AQP9: variants seen among roughly 807,000 people sequenced by gnomAD.
AQP9 encodes the protein aquaporin-9.
Under a neutral mutation model 23.8 loss-of-function variants are expected in AQP9, and 19 were observed. The ratio of observed to expected loss-of-function variants is 0.80; its 90% CI spans 0.56 to 1.17. The LOEUF (loss-of-function observed/expected upper bound fraction) is 1.17, where lower values mean the gene tolerates loss of function less well. Ranked by LOEUF, AQP9 falls within the 50% of genes most tolerant of loss-of-function variation. The pLI is 0.00. For missense variants in AQP9, 413 were observed against 362.0 expected, an observed-to-expected ratio of 1.14 and a Z score of -1.14; for synonymous variants, 153 against 131.5, an observed-to-expected ratio of 1.16 and a Z score of -1.12.
intron 1 of AQP9, among the ~76,000 whole-genome samples, chr15:58,158,583 T>C (rs1180994085): frequency 3.3e-5 from 5 of 152,312 alleles, no homozygotes; most frequent in East Asian, 1.9e-4. Flanking sequence ...TTATTCACAC[T>C]ACCCTAAACA....
chr15:58,175,317 C>G (rs1437233444), intron 4 of AQP9, among the ~76,000 whole-genome samples: 1 of 152,214 alleles, frequency 6.6e-6, no homozygotes, highest in Non-Finnish European at 1.5e-5. Context: ...CCTGTAGACA[C>G]AAATGGACTT....
chr15:58,170,699 T>C (rs1320912141), intron 2 of AQP9, among the ~76,000 whole-genome samples: 1 of 151,934 alleles, frequency 6.6e-6, no homozygotes, highest in African/African-American at 2.4e-5. Flanking sequence ...CACCATGCCC[T>C]GCCTATTTCT....
chr15:58,140,322 A>G (rs1020790113), intron 1 of AQP9, among the ~76,000 whole-genome samples: 14 of 152,114 alleles, frequency 9.2e-5, no homozygotes, highest in African/African-American at 2.9e-4. Flanking sequence ...TCACTGTTCA[A>G]CTGGCCTTGT....
At chr15:58,160,599 T>C (rs1898356485) in intron 1 of AQP9, among the ~76,000 whole-genome samples, 1 of 151,948 alleles carries the variant, frequency 6.6e-6, no homozygotes, top group South Asian at 2.1e-4. Flanking sequence ...CATGTATACA[T>C]GTTAAATAAA....
chr15:58,147,561 C>A (rs1898069974), intron 1 of AQP9, among the ~76,000 whole-genome samples: 1 of 152,140 alleles, frequency 6.6e-6, no homozygotes, highest in South Asian at 2.1e-4. Context: ...CCCTTTTCTC[C>A]ATCTCAGTAG....
chr15:58,145,661 T>C (rs1329606946), intron 1 of AQP9, among the ~76,000 whole-genome samples: 3 of 152,206 alleles, frequency 2.0e-5, no homozygotes, highest in Admixed American at 6.5e-5. Flanking sequence ...TTGTTGTTAC[T>C]GGTGTTTTAA....
intron 1 of AQP9, among the ~76,000 whole-genome samples, chr15:58,149,705 AAC>A (rs1898112901): frequency 6.6e-6 from 1 of 152,202 alleles, no homozygotes; most frequent in Non-Finnish European, 1.5e-5. Flanking sequence ...GGACTTCTCT[AAC>A]ACACACCTAT....
intron 1 of AQP9, chr15:58,151,666 A>G (rs919138828): frequency 6.6e-6 from 1 of 152,094 alleles, no homozygotes; most frequent in African/African-American, 2.4e-5. Flanking sequence ...TAAACATAAT[A>G]ATAATAATAA....
At position 58,161,976 on chromosome 15, in the gene AQP9, A is replaced by AG. The variant is rs1898393842; in HGVS notation, c.112-4696dup. 4.6e-5 allele frequency among the ~76,000 whole-genome samples: 7 copies of AG among 152,316 alleles called. No individual in the cohort carries two copies. The South Asian group carries it at 1.5e-3, about 32-fold the overall frequency. On this transcript the variant is annotated intron_variant, in intron 1 of 5. Coordinates refer to ENST00000219919, the MANE Select transcript of AQP9 (RefSeq NM_020980.5). Reference sequence around the variant, plus strand: ...TCCAATATACTAGAAGCTGTTACAGAGAAAAAAAAAGTTCAACATATTATC... The same window carrying AG: ...TCCAATATACTAGAAGCTGTTACAGAGGAAAAAAAAAGTTCAACATATTATC...
rs140188159 is a variant in AQP9 at position 58,174,997 on chromosome 15, A to T, written c.456A>T (p.Pro152=). 9.5e-4 allele frequency: 1,540 copies of T among 1,614,218 alleles called. 22 individuals are homozygous for T. In the Admixed American group the frequency reaches 0.024, roughly 25 times the overall value. ...NATAHIFATY[P]APYLSLANAF... The stretch of plus-strand genomic sequence containing the variant: ...CAGCACACATTTTTGCAACATACCC[A>T]GCTCCGTATCTATCTCTGGCGAACG... Residue 152 remains proline (P), a synonymous_variant, in exon 4 of 6, where the codon CCA becomes CCT. Transcript: ENST00000219919.
intron 1 of AQP9, among the ~76,000 whole-genome samples, chr15:58,159,992 A>G (rs1898340307): frequency 6.6e-6 from 1 of 152,202 alleles, no homozygotes; most frequent in Non-Finnish European, 1.5e-5. Context: ...GCTCTTCAAC[A>G]TATTGATTTT....
At chr15:58,148,799 C>CT (rs1308898985) in intron 1 of AQP9, among the ~76,000 whole-genome samples, 2 of 152,132 alleles carry the variant, frequency 1.3e-5, no homozygotes, top group Non-Finnish European at 2.9e-5. Context: ...ATCACCTCTC[C>CT]TTTCTGAGCT....
chr15:58,138,615 T>G lies in AQP9; in HGVS notation c.50T>G (p.Val17Gly). ...EKGKSFKQRL[V>G]LKSSLAKETL... ...GGAAAAAGCTTCAAGCAGAGACTGG[T>G]CTTGAAGAGCAGCTTAGCGAAAGAA... The change falls in exon 1 of 6, where the codon GTC (valine) becomes GGC (glycine). Residue 17 changes from valine to glycine, a missense_variant. Transcript: ENST00000219919. The G allele has an allele frequency of 6.2e-7, 1 of 1,613,852 alleles. No homozygotes were observed. The highest frequency in any genetic ancestry group is 8.5e-7 in the Non-Finnish European group (1 of 1,179,832).
At chr15:58,166,541 T>C (rs1595738730) in intron 1 of AQP9, 132 bp from the exon 2 acceptor site, 3 of 1,212,304 alleles carry the variant, frequency 2.5e-6, no homozygotes, top group Non-Finnish European at 3.4e-6. Context: ...TGAATCATTA[T>C]AATTTGATTT....
intron 1 of AQP9, chr15:58,146,953 T>C (rs1898056946): frequency 6.6e-6 from 1 of 152,224 alleles, no homozygotes; most frequent in African/African-American, 2.4e-5. Context: ...CCTTAGACTT[T>C]GAGTCACTAG....
chr15:58,146,239 C>A (rs773690099), intron 1 of AQP9, among the ~76,000 whole-genome samples: 1 of 152,082 alleles, frequency 6.6e-6, no homozygotes, highest in Non-Finnish European at 1.5e-5. Flanking sequence ...TATTGGTATG[C>A]ATGTTGACTC....
chr15:58,157,018 G>T (rs556550284), intron 1 of AQP9, among the ~76,000 whole-genome samples: 2 of 152,142 alleles, frequency 1.3e-5, no homozygotes, highest in South Asian at 4.1e-4. Context: ...ACATATATAC[G>T]TGTGTACAAA....
rs1419456359 is a variant in AQP9 at position 58,179,139 on chromosome 15, C to A, written c.507C>A (p.Thr169=). The A allele has an allele frequency of 6.2e-7, 1 of 1,612,076 alleles. No homozygotes were observed. The highest frequency in any genetic ancestry group is 8.5e-7 in the Non-Finnish European group (1 of 1,178,096). ...TTCTCCCTCTCCAGGTGGTGGCCAC[C>A]ATGATACTCCTCATAATCGTCTTTG... ...ANAFADQVVA[T]MILLIIVFAI... Residue 169 remains threonine (T), a synonymous_variant, in exon 5 of 6, where the codon ACC becomes ACA. Transcript: ENST00000219919.
intron 1 of AQP9, among the ~76,000 whole-genome samples, chr15:58,139,496 T>C (rs887907943): frequency 5.9e-5 from 9 of 152,334 alleles, no homozygotes; most frequent in Middle Eastern, 3.4e-3. Flanking sequence ...TGAATAGAAA[T>C]GTATTATCAT....
Sources: gnomAD v4.1 joint callset for allele counts (sites outside exome capture counted in the v4.1 genomes callset) on GRCh38, gnomAD v4.1.1 for gene constraint, MANE v1.5 for transcripts, NCBI Gene and HGNC (gene_info 2026-07-23, HGNC 2026-07-21) for gene names.